CABLES2: variants seen among roughly 807,000 people sequenced by gnomAD.
The protein encoded by CABLES2 is Cdk5 and Abl enzyme substrate 2, also known as CDK5 and ABL1 enzyme substrate 2.
A neutral mutation model predicts 44.8 loss-of-function variants in CABLES2; 35 were observed. The observed-to-expected ratio is 0.78, with a 90% CI of 0.60 to 1.04. The LOEUF (loss-of-function observed/expected upper bound fraction) is 1.04, where lower values mean the gene tolerates loss of function less well. Among genes scored for constraint, CABLES2 ranks in the 50% least tolerant of loss-of-function variants. The pLI, the probability that CABLES2 is intolerant of heterozygous loss-of-function variation, is 0.00. For synonymous variants in CABLES2, 282 were observed against 281.1 expected (o/e 1.00, Z -0.03); for missense variants, 566 against 615.7 (o/e 0.92, Z 0.85).
Position 62,406,904 on chromosome 20 carries a change from C to G in CABLES2, c.362+11G>C, listed in dbSNP as rs747151712. On this transcript the variant is annotated intron_variant, in intron 1 of 9. Transcript: ENST00000279101. ...CGCGTCCTGGGCTGACCTGGCCGGG[C>G]CCCCACTCACCTCTGGCGCTGCCCA... The G allele has an allele frequency of 9.5e-4, 1,151 of 1,212,410 alleles. 1 individual carries two copies. Among genetic ancestry groups the G allele is most frequent in the Admixed American group, 2.3e-3 (56 of 24,516 alleles). 75.1% of individuals were successfully genotyped at this position (1,212,410 alleles called of 1,614,324 possible).
intron 1 of CABLES2, among the ~76,000 whole-genome samples, chr20:62,401,813 G>A (rs903515166): frequency 2.0e-5 from 3 of 152,198 alleles, no homozygotes; most frequent in African/African-American, 7.2e-5. Context: ...GGCTCCGTGG[G>A]GTGTGCCCAG....
chr20:62,396,661 A>G lies in CABLES2; in HGVS notation c.363-69T>C. ...GTGCCGCCTTTGTGGCCAGAAACCG[A>G]GTGCCGCCCGCTGTGCAGGGAAGGG... is the stretch of plus-strand genomic sequence containing the variant. On this transcript the variant is annotated intron_variant, in intron 1 of 9. Transcript: ENST00000279101. This position sits in a 1 kb window ranked among gnomAD's most constrained non-coding sequence, Gnocchi z 5.7. 2 of 1,494,482 alleles carry G rather than the reference A, an allele frequency of 1.3e-6. No homozygotes were observed. The highest frequency in any genetic ancestry group is 1.8e-6 in the Non-Finnish European group (2 of 1,094,320). The allele number at this position is 1,494,482 out of a possible 1,614,324, so 92.6% of individuals were successfully genotyped here. A position where few individuals can be genotyped will look rare whatever the true frequency, so the allele number is the denominator to read the frequency against.
rs536709985 is a variant in CABLES2 at position 62,405,959 on chromosome 20, G to C, written c.362+956C>G. 2.0e-5 allele frequency: 3 copies of C among 153,188 alleles called. No homozygotes were observed. In the Admixed American group the frequency reaches 2.0e-4, roughly 10 times the overall value. 9.5% of individuals were successfully genotyped at this position (153,188 alleles called of 1,614,324 possible). ...CTCTGGGAGAAGGACACAGGGTGTC[G>C]GGCAGCCAGGGGCCATCTGGGCAGG... On this transcript the variant is annotated intron_variant, in intron 1 of 9. Coordinates refer to ENST00000279101, the MANE Select transcript of CABLES2 (RefSeq NM_031215.3).
In CABLES2 at chr20:62,391,718, G is replaced by A. The variant is rs900795872; in HGVS notation, c.1092-265C>T. Among the ~76,000 whole-genome samples the A allele has an allele frequency of 6.6e-6, 1 of 152,028 alleles. No homozygotes were observed. Among genetic ancestry groups the A allele is most frequent in the African/African-American group, 2.4e-5 (1 of 41,386 alleles). ...CAGCTCCCACCTGTGCCTGGTGGGT[G>A]GAGCCACAGAGGACAGGCTCTGCTC... On this transcript the variant is annotated intron_variant, in intron 8 of 9. Transcript: ENST00000279101. The surrounding 1 kb of genome is among the most constrained non-coding windows in gnomAD (Gnocchi z 5.7).
At chr20:62,406,569 C>T (rs1334026657) in intron 1 of CABLES2, among the ~76,000 whole-genome samples, 1 of 152,124 alleles carries the variant, frequency 6.6e-6, no homozygotes, top group East Asian at 1.9e-4. Flanking sequence ...CCTCAGCCAG[C>T]CCAGGAACCC....
At chr20:62,398,734 G>A (rs1988132872) in intron 1 of CABLES2, among the ~76,000 whole-genome samples, 2 of 152,260 alleles carry the variant, frequency 1.3e-5, no homozygotes, top group Admixed American at 6.5e-5. Context: ...GTCCCAAGGC[G>A]CTGGGTTGGG....
chr20:62,407,091 C>A lies in CABLES2; in HGVS notation c.186G>T (p.Pro62=). The A allele has an allele frequency of 1.9e-6, 2 of 1,050,380 alleles. No individual in the cohort carries two copies. The highest frequency in any genetic ancestry group is 2.3e-6 in the Non-Finnish European group (2 of 871,422). The allele number at this position is 1,050,380 out of a possible 1,614,324, so 65.1% of individuals were successfully genotyped here. The change falls in exon 1 of 10, where the codon CCG becomes CCT. Residue 62 remains proline (P), a synonymous_variant. Coordinates refer to ENST00000279101, the MANE Select transcript of CABLES2 (RefSeq NM_031215.3). The part of the protein sequence containing the change: ...LNNISLDGRP[P]SLGPGGEKPP... Reference sequence around the variant, plus strand: ...GCTTCTCTCCGCCCGGGCCCAGGCTCGGGGGCCGCCCGTCCAGGGAGATGT... The same window carrying A: ...GCTTCTCTCCGCCCGGGCCCAGGCTAGGGGGCCGCCCGTCCAGGGAGATGT...
At chr20:62,394,857 G>T in intron 4 of CABLES2, 80 bp downstream of exon 4, 2 of 1,321,610 alleles carry the variant, frequency 1.5e-6, no homozygotes, top group Non-Finnish European at 2.1e-6. Context: ...GCCCGCTGAT[G>T]CCTCCTGGGC....
chr20:62,403,045 C>T (rs1988218261), intron 1 of CABLES2: 1 of 152,312 alleles, frequency 6.6e-6, no homozygotes, highest in Non-Finnish European at 1.5e-5. Context: ...TCCCCAGAAG[C>T]ATCTCGGCAC....
chr20:62,401,602 G>A (rs1988188586), intron 1 of CABLES2, among the ~76,000 whole-genome samples: 1 of 152,214 alleles, frequency 6.6e-6, no homozygotes, highest in Non-Finnish European at 1.5e-5. Flanking sequence ...CGCCTAGCTG[G>A]AAGCAGCACA....
chr20:62,401,393 G>A (rs368846126), intron 1 of CABLES2, among the ~76,000 whole-genome samples: 6 of 152,228 alleles, frequency 3.9e-5, no homozygotes, highest in Non-Finnish European at 7.3e-5. Flanking sequence ...ACGCATCACC[G>A]CAGCAGGGCG....
intron 1 of CABLES2, among the ~76,000 whole-genome samples, chr20:62,398,032 C>T (rs1245338354): frequency 1.0e-4 from 8 of 78,836 alleles, no homozygotes; most frequent in East Asian, 3.8e-4. Flanking sequence ...GTGGTGGTGA[C>T]AGTGATGGTG....
chr20:62,398,426 C>G (rs1273634526), intron 1 of CABLES2, among the ~76,000 whole-genome samples: 1 of 151,192 alleles, frequency 6.6e-6, no homozygotes, highest in Admixed American at 6.6e-5. Context: ...AATGGAGCAA[C>G]TTGGCCCCCA....
chr20:62,404,249 A>G (rs1988239828), intron 1 of CABLES2: 1 of 152,156 alleles, frequency 6.6e-6, no homozygotes. Flanking sequence ...CTGGGCACGC[A>G]TCTGACCTCT....
rs1478153749 is a variant in CABLES2 at position 62,407,078 on chromosome 20, C to T, written c.199G>A (p.Gly67Ser). Residue 67 changes from glycine (G) to serine (S), a missense_variant, in exon 1 of 10, where the codon GGC (glycine) becomes AGC (serine). Transcript: ENST00000279101. ...GGCGGCGGCGGGGGCTTCTCTCCGC[C>T]CGGGCCCAGGCTCGGGGGCCGCCCG... ...LDGRPPSLGPGGEKPPPPPAE... is the reference protein window; with the variant it reads ...LDGRPPSLGPSGEKPPPPPAE... 9.4e-7 allele frequency: 1 copy of T among 1,065,704 alleles called. No homozygotes were observed. The highest frequency in any genetic ancestry group is 1.1e-6 in the Non-Finnish European group (1 of 881,482). 66.0% of individuals were successfully genotyped at this position (1,065,704 alleles called of 1,614,324 possible). A position where few individuals can be genotyped will look rare whatever the true frequency, so the allele number is the denominator to read the frequency against.
Position 62,391,145 on chromosome 20 carries a change from G to C in CABLES2, c.1297-34C>G. On this transcript the variant is annotated intron_variant, in intron 9 of 9. Transcript: ENST00000279101. This position sits in a 1 kb window ranked among gnomAD's most constrained non-coding sequence, Gnocchi z 5.7. Reference sequence around the variant, plus strand: ...GAGAAGAGAGAAGGGTTACACGGGAGCCTTCCCTCTTCCACATTTCCCACC... The same window carrying C: ...GAGAAGAGAGAAGGGTTACACGGGACCCTTCCCTCTTCCACATTTCCCACC... 6.2e-7 allele frequency: 1 copy of C among 1,609,354 alleles called. No homozygotes were observed. Among genetic ancestry groups the C allele is most frequent in the South Asian group, 1.1e-5 (1 of 91,046 alleles).
rs1356107219 is a variant in CABLES2 at position 62,407,244 on chromosome 20, GC to G, written c.32del (p.Gly11AlafsTer148). 4 of 775,676 alleles carry G rather than the reference GC, an allele frequency of 5.2e-6. No homozygotes were observed. The highest frequency in any genetic ancestry group is 6.2e-6 in the Non-Finnish European group (4 of 641,842). The allele number at this position is 775,676 out of a possible 1,614,324, so 48.0% of individuals were successfully genotyped here. On this transcript the variant is annotated frameshift_variant, in exon 1 of 10. Transcript: ENST00000279101. LOFTEE classifies it high-confidence loss of function. MAAAAAGGAP[G>X]PAPGPAGPPP... Reference sequence around the variant, plus strand: ...GGGGCCCGGCGGGGCCGGGGGCCGGGCCCGGGGCTCCACCGGCCGCGGCCGC... The same window carrying G: ...GGGGCCCGGCGGGGCCGGGGGCCGGGCCGGGGCTCCACCGGCCGCGGCCGC...
intron 1 of CABLES2, among the ~76,000 whole-genome samples, chr20:62,400,678 T>C (rs1988172630): frequency 6.6e-6 from 1 of 151,700 alleles, no homozygotes; most frequent in Non-Finnish European, 1.5e-5. Flanking sequence ...CCCGTGGGGG[T>C]CCCAGCAGAA....
At chr20:62,394,308 C>G (rs1339868064) in intron 4 of CABLES2, 43 bp from the exon 5 acceptor site, 1 of 1,545,048 alleles carries the variant, frequency 6.5e-7, no homozygotes, top group South Asian at 1.1e-5. Context: ...CTGCGCTGAA[C>G]TCAGGCTCTG....
Sources: gnomAD v4.1 joint callset for allele counts (sites outside exome capture counted in the v4.1 genomes callset) on GRCh38, gnomAD v4.1.1 for gene constraint, Gnocchi (gnomAD v3.1) non-coding constraint, MANE v1.5 for transcripts, NCBI Gene and HGNC (gene_info 2026-07-23, HGNC 2026-07-21) for gene names.